The following MDM1 variants were observed in gnomAD, a reference collection of about 807,000 sequenced individuals.
The protein encoded by MDM1 is stabilizer of axonemal microtubules 6, also known as Mdm1 nuclear protein.
In MDM1, 61 loss-of-function variants were observed where a neutral mutation model predicts 89.1. The observed-to-expected ratio is 0.68, with a 90% CI of 0.56 to 0.85. MDM1 has a LOEUF of 0.85. Ranked by LOEUF, MDM1 falls within the 40% of genes least tolerant of loss-of-function variation. The pLI, the probability that MDM1 is intolerant of heterozygous loss-of-function variation, is 0.00. For missense variants in MDM1, 820 were observed against 846.5 expected (o/e 0.97, Z 0.39); for synonymous variants, 290 against 294.1 (o/e 0.99, Z 0.14).
chr12:68,307,381 A>G (rs1873041734), intron 12 of MDM1, among the ~76,000 whole-genome samples: 1 of 152,234 alleles, frequency 6.6e-6, no homozygotes, highest in South Asian at 2.1e-4. Flanking sequence ...GCCTGTAATC[A>G]TCCTACCACT....
At position 68,302,878 on chromosome 12, in the gene MDM1, T is replaced by C; in HGVS notation, c.1750-6A>G. On this transcript the variant is annotated splice_polypyrimidine_tract_variant and splice_region_variant and intron_variant, in intron 12 of 14. Coordinates refer to ENST00000682720, the MANE Select transcript of MDM1 (RefSeq NM_001354969.2). ...GATACAGCACGACTTTCTTTCTAAA[T>C]GACAAAAAAAAAAAAAAAAAAAAGA... is the stretch of plus-strand genomic sequence containing the variant. 9.4e-7 allele frequency: 1 copy of C among 1,058,480 alleles called. No homozygotes were observed. Among genetic ancestry groups the C allele is most frequent in the South Asian group, 4.1e-5 (1 of 24,484 alleles). The allele number at this position is 1,058,480 out of a possible 1,614,324, so 65.6% of individuals were successfully genotyped here.
At chr12:68,318,274 G>A (rs1037628009) in intron 7 of MDM1, among the ~76,000 whole-genome samples, 9 of 152,152 alleles carry the variant, frequency 5.9e-5, no homozygotes, top group African/African-American at 1.9e-4. Context: ...GTAGATTGAC[G>A]GGGCAGTGGG....
intron 2 of MDM1, among the ~76,000 whole-genome samples, chr12:68,328,521 A>C (rs1232729717): frequency 1.3e-5 from 2 of 152,244 alleles, no homozygotes; most frequent in Admixed American, 6.5e-5. Flanking sequence ...AGCACTATGC[A>C]ATATACCAGA....
intron 13 of MDM1, among the ~76,000 whole-genome samples, chr12:68,300,159 G>C (rs150917676): frequency 6.6e-6 from 1 of 152,256 alleles, no homozygotes; most frequent in Non-Finnish European, 1.5e-5. Context: ...GTCACTACCA[G>C]ACCAGCACTA....
At chr12:68,312,145 A>G (rs1273107377) in intron 12 of MDM1, among the ~76,000 whole-genome samples, 1 of 152,162 alleles carries the variant, frequency 6.6e-6, no homozygotes, top group Non-Finnish European at 1.5e-5. Context: ...GATTTCCTCC[A>G]GTCTCAATAC....
At chr12:68,315,403 T>C in intron 9 of MDM1, 138 bp from the exon 10 acceptor site, 2 of 754,006 alleles carry the variant, frequency 2.7e-6, no homozygotes, top group East Asian at 2.7e-5. Context: ...GCTCAGGTAT[T>C]GAAGAAGGAA....
chr12:68,302,987 A>ACACGC, intron 12 of MDM1, 115 bp from the exon 13 acceptor site: 1 of 867,516 alleles, frequency 1.2e-6, no homozygotes, highest in Non-Finnish European at 1.7e-6. Context: ...GAAATATGAG[A>ACACGC]GAATTTATGC....
At chr12:68,321,069 C>T (rs1046456654) in intron 7 of MDM1, 1 of 292,384 alleles carries the variant, frequency 3.4e-6, no homozygotes, top group African/African-American at 2.2e-5. Flanking sequence ...TATAATGATA[C>T]AATTCTATAA....
intron 13 of MDM1, among the ~76,000 whole-genome samples, chr12:68,299,957 A>G (rs1565763979): frequency 6.6e-6 from 1 of 152,230 alleles, no homozygotes; most frequent in Non-Finnish European, 1.5e-5. Flanking sequence ...GTAACTTACA[A>G]AAGAAAAACA....
chr12:68,324,337 A>G (rs1276200717), intron 4 of MDM1, among the ~76,000 whole-genome samples: 1 of 152,140 alleles, frequency 6.6e-6, no homozygotes, highest in Non-Finnish European at 1.5e-5. Context: ...GTAATGTTTT[A>G]GGTACACTTA....
intron 7 of MDM1, among the ~76,000 whole-genome samples, chr12:68,318,947 A>T (rs1217792564): frequency 1.3e-5 from 2 of 152,200 alleles, no homozygotes; most frequent in Non-Finnish European, 1.5e-5. Flanking sequence ...ATGAGGGGTC[A>T]CTTTATACCT....
intron 2 of MDM1, among the ~76,000 whole-genome samples, chr12:68,330,432 A>G (rs1876625689): frequency 6.6e-6 from 1 of 152,244 alleles, no homozygotes; most frequent in African/African-American, 2.4e-5. Flanking sequence ...CTTCTAAGCT[A>G]TATGTCTACG....
intron 12 of MDM1, among the ~76,000 whole-genome samples, chr12:68,310,460 T>C (rs1873526453): frequency 2.0e-5 from 3 of 152,244 alleles, no homozygotes; most frequent in Admixed American, 2.0e-4. Flanking sequence ...TCACTCGTTT[T>C]GGCTGAATCA....
intron 2 of MDM1, chr12:68,327,617 A>T: frequency 1.9e-6 from 2 of 1,079,078 alleles, no homozygotes; most frequent in Non-Finnish European, 2.7e-6. Flanking sequence ...CTATGAAGGT[A>T]AGAGCAGCTC....
intron 2 of MDM1, 30 bp from the exon 3 acceptor site, chr12:68,327,051 C>T: frequency 3.9e-6 from 6 of 1,534,392 alleles, no homozygotes; most frequent in Non-Finnish European, 5.2e-6. Context: ...AAAATAGTAG[C>T]TACTAAAGCA....
chr12:68,312,281 A>C (rs1166834090), intron 12 of MDM1, among the ~76,000 whole-genome samples: 2 of 152,188 alleles, frequency 1.3e-5, no homozygotes, highest in Non-Finnish European at 2.9e-5. Context: ...TATGTCTAAT[A>C]AGCTTCTCAA....
chr12:68,325,250 A>G, intron 4 of MDM1, 191 bp downstream of exon 4: 1 of 1,212,082 alleles, frequency 8.3e-7, no homozygotes. Flanking sequence ...TCAGAAGCCT[A>G]GGACAGTATA....
rs1872133318 is a variant in MDM1 at position 68,301,375 on chromosome 12, T to C, written c.2002+1245A>G. 1.3e-5 allele frequency among the ~76,000 whole-genome samples: 2 copies of C among 152,154 alleles called. 1 individual carries two copies. The highest frequency in any genetic ancestry group is 4.1e-4 in the South Asian group (2 of 4,832). On this transcript the variant is annotated intron_variant, in intron 13 of 14. Transcript: ENST00000682720. Reference sequence around the variant, plus strand: ...AACTCAGGTATGAAAAATCAAATACTGCATGTTCTCACTTACCAGTGGGAG... The same window carrying C: ...AACTCAGGTATGAAAAATCAAATACCGCATGTTCTCACTTACCAGTGGGAG...
chr12:68,327,516 A>C lies in MDM1; in HGVS notation c.134-495T>G, dbSNP rs1002461838. The C allele has an allele frequency of 1.2e-5, 18 of 1,535,226 alleles. No individual in the cohort carries two copies. In the African/African-American group the frequency reaches 1.8e-4, roughly 15 times the overall value. ...TCTACATCTGCCTTGATTTCCTGAGAATTAAAAAAGAATAAGCCCTTTTAA... is the reference window on the plus strand; with the variant it reads ...TCTACATCTGCCTTGATTTCCTGAGCATTAAAAAAGAATAAGCCCTTTTAA... On this transcript the variant is annotated intron_variant, in intron 2 of 14. Transcript: ENST00000682720.
Sources: gnomAD v4.1 joint callset for allele counts (sites outside exome capture counted in the v4.1 genomes callset) on GRCh38, gnomAD v4.1.1 for gene constraint, MANE v1.5 for transcripts, NCBI Gene and HGNC (gene_info 2026-07-23, HGNC 2026-07-21) for gene names.